The following CACNB4 variants were observed in gnomAD, a reference collection of about 807,000 sequenced individuals.
CACNB4 encodes the protein voltage-dependent L-type calcium channel subunit beta-4.
Under a neutral mutation model 71.2 loss-of-function variants are expected in CACNB4, and 32 were observed. The observed-to-expected ratio is 0.45, with a 90% CI of 0.34 to 0.60. The LOEUF (loss-of-function observed/expected upper bound fraction) is 0.60, where lower values mean the gene tolerates loss of function less well. Ranked by LOEUF, CACNB4 falls within the 20% of genes least tolerant of loss-of-function variation. The pLI is 0.01. For synonymous variants in CACNB4, 231 were observed against 236.9 expected (o/e 0.97, Z 0.23); for missense variants, 464 against 647.9 (o/e 0.72, Z 3.08).
chr2:151,908,347 G>T (rs922311545), intron 2 of CACNB4, among the ~76,000 whole-genome samples: 2 of 152,230 alleles, frequency 1.3e-5, no homozygotes, highest in Non-Finnish European at 2.9e-5. Context: ...AGACTATTCT[G>T]AAGGCAAAGA....
chr2:152,058,568 A>G (rs1685845549), intron 2 of CACNB4, among the ~76,000 whole-genome samples: 1 of 152,242 alleles, frequency 6.6e-6, no homozygotes, highest in African/African-American at 2.4e-5. Flanking sequence ...CCCCTGTCCT[A>G]GAGATCTGTG....
intron 2 of CACNB4, among the ~76,000 whole-genome samples, chr2:151,940,856 A>G (rs568614544): frequency 3.9e-4 from 59 of 152,308 alleles, no homozygotes; most frequent in Middle Eastern, 3.4e-3. Context: ...AGGCTGTCCA[A>G]ATAGACTAGG....
In CACNB4 at chr2:151,995,626, G is replaced by A. The variant is rs187777351; in HGVS notation, c.147+102704C>T. On this transcript the variant is annotated intron_variant, in intron 2 of 13. Coordinates refer to ENST00000539935, the MANE Select transcript of CACNB4 (RefSeq NM_000726.5). ...CGGGAGGCTGAGGCAGGAGAGTGGCGTGAACCCAGAAGGTGGAGCTTGCAG... is the reference window on the plus strand; with the variant it reads ...CGGGAGGCTGAGGCAGGAGAGTGGCATGAACCCAGAAGGTGGAGCTTGCAG... Among the ~76,000 whole-genome samples, 55 of 152,282 alleles carry A rather than the reference G, an allele frequency of 3.6e-4. No individual in the cohort carries two copies. The Middle Eastern group carries it at 0.01, about 28-fold the overall frequency.
chr2:151,880,783 G>T lies in CACNB4; in HGVS notation c.390+17C>A. On this transcript the variant is annotated intron_variant, in intron 4 of 13. Coordinates refer to ENST00000539935, the MANE Select transcript of CACNB4 (RefSeq NM_000726.5). ...GCTTTTTGGCAGGTGAAGGGATGCA[G>T]TATGTTCTACATTTACCTCTTTAAT... The T allele has an allele frequency of 6.2e-7, 1 of 1,604,580 alleles. No homozygotes were observed. Among genetic ancestry groups the T allele is most frequent in the Non-Finnish European group, 8.5e-7 (1 of 1,175,526 alleles).
intron 2 of CACNB4, among the ~76,000 whole-genome samples, chr2:152,018,006 T>C (rs1234707426): frequency 6.6e-6 from 1 of 151,942 alleles, no homozygotes; most frequent in Admixed American, 6.6e-5. Context: ...CTAATTTTTG[T>C]AATTTTAGTA....
chr2:151,971,277 C>G (rs1051027148), intron 2 of CACNB4: 13 of 569,098 alleles, frequency 2.3e-5, no homozygotes, highest in Non-Finnish European at 2.5e-5. Flanking sequence ...GATCTTATTA[C>G]AAGCTTACTG....
At chr2:152,092,297 G>A (rs995023813) in intron 2 of CACNB4, among the ~76,000 whole-genome samples, 3 of 152,196 alleles carry the variant, frequency 2.0e-5, no homozygotes, top group East Asian at 1.9e-4. Context: ...AGAGCTATGC[G>A]CAAAGCATAT....
intron 2 of CACNB4, among the ~76,000 whole-genome samples, chr2:152,027,140 T>G (rs1292765991): frequency 6.6e-6 from 1 of 152,160 alleles, no homozygotes; most frequent in Non-Finnish European, 1.5e-5. Flanking sequence ...TGGCCTCAGG[T>G]GGTCCGCCCA....
intron 2 of CACNB4, among the ~76,000 whole-genome samples, chr2:152,071,032 C>T (rs1029979362): frequency 5.9e-5 from 9 of 152,238 alleles, no homozygotes; most frequent in African/African-American, 2.2e-4. Context: ...TCCCAGAGTG[C>T]TGAGATTACA....
At chr2:152,072,811 T>C (rs1371946787) in intron 2 of CACNB4, among the ~76,000 whole-genome samples, 1 of 151,698 alleles carries the variant, frequency 6.6e-6, no homozygotes, top group Non-Finnish European at 1.5e-5. Context: ...CAGCTGATTT[T>C]TTTTTTTTTT....
chr2:152,050,052 T>C (rs576608931), intron 2 of CACNB4, among the ~76,000 whole-genome samples: 2 of 152,348 alleles, frequency 1.3e-5, no homozygotes, highest in South Asian at 4.1e-4. Context: ...GCTGAGTGGA[T>C]GTATCTTGGC....
intron 2 of CACNB4, among the ~76,000 whole-genome samples, chr2:151,997,384 A>G (rs1207177874): frequency 6.6e-6 from 1 of 152,120 alleles, no homozygotes; most frequent in Admixed American, 6.5e-5. Flanking sequence ...AATACAAAAA[A>G]TTAGGCAGGC....
chr2:152,098,914 G>A lies in CACNB4; in HGVS notation c.63+35C>T. On this transcript the variant is annotated intron_variant, in intron 1 of 13. Transcript: ENST00000539935. This position sits in a 1 kb window ranked among gnomAD's most constrained non-coding sequence, Gnocchi z 5.3. ...GCGGAGGAGGTGTGAGGAAGGAAGA[G>A]GAGGAAGAGGAGAAGGGGGAGGAGG... is the stretch of plus-strand genomic sequence containing the variant. 1 of 1,350,010 alleles carries A rather than the reference G, an allele frequency of 7.4e-7. No homozygotes were observed. Among genetic ancestry groups the A allele is most frequent in the Non-Finnish European group, 1.0e-6 (1 of 999,768 alleles). The allele number at this position is 1,350,010 out of a possible 1,614,324, so 83.6% of individuals were successfully genotyped here.
chr2:151,964,966 C>A (rs1215244398), intron 2 of CACNB4, among the ~76,000 whole-genome samples: 1 of 152,088 alleles, frequency 6.6e-6, no homozygotes, highest in African/African-American at 2.4e-5. Context: ...ATCAACTTCA[C>A]CTTGGTTCCG....
chr2:151,971,494 C>G, intron 2 of CACNB4: 1 of 702,772 alleles, frequency 1.4e-6, no homozygotes, highest in Non-Finnish European at 2.6e-6. Context: ...GCCTATCCAC[C>G]AGACCTGTTC....
At chr2:151,912,108 C>CA (rs916178574) in intron 2 of CACNB4, among the ~76,000 whole-genome samples, 3 of 151,604 alleles carry the variant, frequency 2.0e-5, no homozygotes, top group Non-Finnish European at 2.9e-5. Flanking sequence ...TTAATTTTTT[C>CA]AAAAAAACAG....
intron 2 of CACNB4, among the ~76,000 whole-genome samples, chr2:151,911,107 G>C (rs1251017105): frequency 6.6e-6 from 1 of 152,120 alleles, no homozygotes; most frequent in African/African-American, 2.4e-5. Flanking sequence ...CTGCTTGCCT[G>C]CTGTTGGTGT....
At chr2:151,947,661 C>T (rs35343813) in intron 2 of CACNB4, among the ~76,000 whole-genome samples, 69,540 of 151,970 alleles carry the variant, frequency 0.46, 19,763 homozygotes, top group Non-Finnish European at 0.64. Context: ...CAAAAAGCTG[C>T]GAGGTCGTCC....
chr2:152,094,933 T>C (rs1688186558), intron 2 of CACNB4, among the ~76,000 whole-genome samples: 1 of 152,194 alleles, frequency 6.6e-6, no homozygotes, highest in Admixed American at 6.5e-5. Context: ...AAAACATCAT[T>C]CCTTTCTAAT....
Sources: gnomAD v4.1 joint callset for allele counts (sites outside exome capture counted in the v4.1 genomes callset) on GRCh38, gnomAD v4.1.1 for gene constraint, Gnocchi (gnomAD v3.1) non-coding constraint, MANE v1.5 for transcripts, NCBI Gene and HGNC (gene_info 2026-07-23, HGNC 2026-07-21) for gene names.